GALNT14: variants seen among roughly 807,000 people sequenced by gnomAD.
GALNT14 encodes the protein polypeptide N-acetylgalactosaminyltransferase 14.
In GALNT14, 60 loss-of-function variants were observed where a neutral mutation model predicts 77.5. That is an observed-to-expected ratio of 0.77 (90% CI 0.63 to 0.96). The LOEUF (loss-of-function observed/expected upper bound fraction) is 0.96, where lower values mean the gene tolerates loss of function less well. Among genes scored for constraint, GALNT14 ranks in the 40% least tolerant of loss-of-function variants. The pLI, the probability that GALNT14 is intolerant of heterozygous loss-of-function variation, is 0.00. For missense variants in GALNT14, 710 were observed against 731.0 expected (o/e 0.97, Z 0.33); for synonymous variants, 280 against 281.7 (o/e 0.99, Z 0.06).
chr2:31,129,736 G>T, intron 1 of GALNT14: 1 of 645,804 alleles, frequency 1.5e-6, no homozygotes. Flanking sequence ...GGGTGGGAGG[G>T]ACATCAATGA....
chr2:31,053,625 T>G (rs544675164), intron 1 of GALNT14, among the ~76,000 whole-genome samples: 4 of 152,284 alleles, frequency 2.6e-5, no homozygotes, highest in South Asian at 4.1e-4. Flanking sequence ...GCTCCATTTT[T>G]TAGCCTGAAT....
downstream of GALNT14, among the ~76,000 whole-genome samples, chr2:30,906,531 C>T (rs1664148066): frequency 6.7e-6 from 1 of 149,414 alleles, no homozygotes; most frequent in Non-Finnish European, 1.5e-5. Context: ...TATATGCACC[C>T]AATACAGGAG....
chr2:31,038,427 A>G (rs1398703418), intron 1 of GALNT14, among the ~76,000 whole-genome samples: 1 of 151,840 alleles, frequency 6.6e-6, no homozygotes, highest in Admixed American at 6.6e-5. Context: ...TGCCATAGAG[A>G]TATGACTGTA....
At chr2:31,118,028 C>CA (rs1678200770) in intron 1 of GALNT14, among the ~76,000 whole-genome samples, 1 of 152,150 alleles carries the variant, frequency 6.6e-6, no homozygotes, top group Non-Finnish European at 1.5e-5. Context: ...AAGTTAGTTA[C>CA]ATGCTACTTA....
chr2:30,901,729 A>C, the GALNT14 span, among the ~76,000 whole-genome samples: 6 of 152,040 alleles, frequency 3.9e-5, 1 homozygote, highest in Middle Eastern at 3.4e-3. Context: ...CATTTCCTTT[A>C]ATACACACAT....
chr2:31,075,294 A>G (rs776603536), intron 1 of GALNT14, among the ~76,000 whole-genome samples: 8 of 152,210 alleles, frequency 5.3e-5, no homozygotes, highest in Non-Finnish European at 8.8e-5. Flanking sequence ...CCTTGAGCCA[A>G]TTAAACCTCT....
At chr2:31,035,383 A>G (rs1672651739) in intron 1 of GALNT14, among the ~76,000 whole-genome samples, 1 of 151,744 alleles carries the variant, frequency 6.6e-6, no homozygotes, top group African/African-American at 2.4e-5. Context: ...CTTAAAGTCT[A>G]TTCTGTGCAA....
intron 2 of GALNT14, among the ~76,000 whole-genome samples, chr2:30,976,622 T>C (rs957619846): frequency 7.9e-6 from 1 of 126,622 alleles, no homozygotes; most frequent in African/African-American, 3.9e-5. Flanking sequence ...CGTGTGTGTA[T>C]GTGTGTGTGT....
chr2:31,010,189 T>C lies in GALNT14; in HGVS notation c.130-17182A>G, dbSNP rs536099076. ...TTTTAGTAGAGACGGGGTTTCACCA[T>C]GTTGGTCAGCCTGGTCTCAAACTCC... is the stretch of plus-strand genomic sequence containing the variant. On this transcript the variant is annotated intron_variant, in intron 1 of 14. Coordinates refer to ENST00000349752, the MANE Select transcript of GALNT14 (RefSeq NM_024572.4). Among the ~76,000 whole-genome samples, 19 of 152,314 alleles carry C rather than the reference T, an allele frequency of 1.2e-4. No individual in the cohort carries two copies. The East Asian group carries it at 3.7e-3, about 30-fold the overall frequency.
At chr2:30,940,374 A>G (rs1256917631) in intron 9 of GALNT14, among the ~76,000 whole-genome samples, 1 of 152,240 alleles carries the variant, frequency 6.6e-6, no homozygotes, top group Non-Finnish European at 1.5e-5. Flanking sequence ...TAGAACTTCC[A>G]TGTGGAAGAA....
chr2:30,987,782 T>C (rs1454108056), intron 2 of GALNT14, among the ~76,000 whole-genome samples: 1 of 138,020 alleles, frequency 7.2e-6, no homozygotes, highest in Admixed American at 7.6e-5. Context: ...TTCAGATTCC[T>C]GAGCTGCTCA....
chr2:31,040,278 G>C (rs893601720), intron 1 of GALNT14, among the ~76,000 whole-genome samples: 3 of 152,176 alleles, frequency 2.0e-5, no homozygotes, highest in East Asian at 1.9e-4. Flanking sequence ...AGGAACAAGA[G>C]GTATTTTCCT....
At chr2:30,999,125 C>G (rs1042345414) in intron 1 of GALNT14, among the ~76,000 whole-genome samples, 1 of 152,174 alleles carries the variant, frequency 6.6e-6, no homozygotes, top group East Asian at 1.9e-4. Context: ...TAGAAAACAG[C>G]GATGTAAATT....
chr2:31,070,021 G>A (rs1377642016), intron 1 of GALNT14, among the ~76,000 whole-genome samples: 1 of 152,044 alleles, frequency 6.6e-6, no homozygotes, highest in Non-Finnish European at 1.5e-5. Flanking sequence ...TCCTTCCTGT[G>A]TCCGCTTACC....
At chr2:31,071,014 A>G (rs1473846783) in intron 1 of GALNT14, among the ~76,000 whole-genome samples, 1 of 152,214 alleles carries the variant, frequency 6.6e-6, no homozygotes, top group Non-Finnish European at 1.5e-5. Flanking sequence ...AAAACCAAAT[A>G]TCATATGTTC....
intron 3 of GALNT14, among the ~76,000 whole-genome samples, chr2:30,961,281 CG>C: frequency 6.6e-6 from 1 of 152,232 alleles, no homozygotes; most frequent in East Asian, 1.9e-4. Flanking sequence ...GTGAACTCCA[CG>C]GTGCTCTATG....
At chr2:31,137,814 T>A (rs2008535) in intron 1 of GALNT14, 144 bp downstream of exon 1, 274,094 of 1,026,200 alleles carry the variant, frequency 0.27, 37,596 homozygotes, top group African/African-American at 0.33. Flanking sequence ...AAACATCACA[T>A]GGTAGCCACA....
At chr2:30,940,073 G>T (rs1365010310) in intron 9 of GALNT14, among the ~76,000 whole-genome samples, 1 of 152,130 alleles carries the variant, frequency 6.6e-6, no homozygotes, top group Non-Finnish European at 1.5e-5. Flanking sequence ...GAATGTTGGG[G>T]TGGGATAAAA....
chr2:31,065,170 A>G (rs145659256), intron 1 of GALNT14: 5 of 151,816 alleles, frequency 3.3e-5, no homozygotes, highest in Admixed American at 2.0e-4. Context: ...TTGTCTACTC[A>G]TTGGTTTTAT....
Sources: allele counts gnomAD v4.1 joint callset (sites outside exome capture counted in the v4.1 genomes callset), GRCh38; gene constraint gnomAD v4.1.1; transcripts MANE v1.5; gene names NCBI Gene and HGNC (gene_info 2026-07-23, HGNC 2026-07-21).